SPATA6: variants seen among roughly 807,000 people sequenced by gnomAD.
SPATA6 encodes the protein spermatogenesis-associated protein 6.
SPATA6 carries 56 observed loss-of-function variants against 65.3 expected under a neutral mutation model. That is an observed-to-expected ratio of 0.86 (90% CI 0.69 to 1.07). The LOEUF (loss-of-function observed/expected upper bound fraction) is 1.07, where lower values mean the gene tolerates loss of function less well. Among genes scored for constraint, SPATA6 ranks in the 50% least tolerant of loss-of-function variants. The probability of loss-of-function intolerance (pLI) is 0.00; values close to 1 mark genes in which losing one functional copy is unlikely to be tolerated. For synonymous variants in SPATA6, 199 were observed against 213.2 expected, an observed-to-expected ratio of 0.93 and a Z score of 0.58; for missense variants, 590 against 594.8, an observed-to-expected ratio of 0.99 and a Z score of 0.08.
intron 12 of SPATA6, among the ~76,000 whole-genome samples, chr1:48,299,516 G>GGAAAAAAAAAAAAAAAAAAAAA (rs761355984): frequency 2.6e-5 from 1 of 38,188 alleles, no homozygotes; most frequent in Non-Finnish European, 4.8e-5. Context: ...CTCCGTCTCG[G>GGAAAAAAAAAAAAAAAAAAAAA]AAAAAAAAAA....
chr1:48,334,483 T>G (rs1250602847), intron 11 of SPATA6, among the ~76,000 whole-genome samples: 1 of 152,062 alleles, frequency 6.6e-6, no homozygotes, highest in African/African-American at 2.4e-5. Context: ...GTTCAACATA[T>G]GCAAATCAAT....
chr1:48,363,850 T>G (rs1646902246), intron 9 of SPATA6, among the ~76,000 whole-genome samples: 1 of 151,962 alleles, frequency 6.6e-6, no homozygotes, highest in Non-Finnish European at 1.5e-5. Context: ...GTGCACAATG[T>G]GAAGGTTTGT....
chr1:48,411,505 A>C lies in SPATA6; in HGVS notation c.364T>G (p.Ser122Ala), dbSNP rs779131112. The C allele has an allele frequency of 6.2e-7, 1 of 1,610,786 alleles. No homozygotes were observed. ...GPNQMSGHHDSNRQVTMRRIS... is the reference protein window; with the variant it reads ...GPNQMSGHHDANRQVTMRRIS... ...CTCCTCATGGTAACCTGGCGGTTTG[A>C]ATCATGGTGTCCAGACATTTGGTTT... The change falls in exon 5 of 13, where the codon TCA becomes GCA. Residue 122 changes from serine (S) to alanine (A), a missense_variant. Coordinates refer to ENST00000371847, the MANE Select transcript of SPATA6 (RefSeq NM_019073.4).
At chr1:48,380,761 T>C (rs982341491) in intron 9 of SPATA6, among the ~76,000 whole-genome samples, 1 of 152,204 alleles carries the variant, frequency 6.6e-6, no homozygotes, top group South Asian at 2.1e-4. Flanking sequence ...TGCATGTGTA[T>C]GTGTTTGCAT....
intron 11 of SPATA6, among the ~76,000 whole-genome samples, chr1:48,342,515 C>A (rs1646247170): frequency 6.6e-6 from 1 of 150,774 alleles, no homozygotes; most frequent in Non-Finnish European, 1.5e-5. Context: ...ACTGGGGAGG[C>A]TAAGGCAGGA....
the SPATA6 span, among the ~76,000 whole-genome samples, chr1:48,284,780 G>A: frequency 1.4e-4 from 21 of 152,180 alleles, no homozygotes; most frequent in Non-Finnish European, 7.3e-5. Context: ...AGCAAAGATT[G>A]CTCCCTGTTC....
At chr1:48,432,915 G>C (rs1331813758) in intron 3 of SPATA6, among the ~76,000 whole-genome samples, 1 of 152,142 alleles carries the variant, frequency 6.6e-6, no homozygotes, top group African/African-American at 2.4e-5. Flanking sequence ...GGCTAAATGT[G>C]ATGTATGCAT....
chr1:48,415,324 G>A (rs1652658053), intron 3 of SPATA6, among the ~76,000 whole-genome samples: 1 of 152,168 alleles, frequency 6.6e-6, no homozygotes, highest in Non-Finnish European at 1.5e-5. Context: ...TTAGATTTTT[G>A]TAGAGTCTTT....
chr1:48,290,305 A>G, the SPATA6 span, among the ~76,000 whole-genome samples: 1 of 152,216 alleles, frequency 6.6e-6, no homozygotes, highest in African/African-American at 2.4e-5. Context: ...ATGCTGAGAG[A>G]TTTTGTCACC....
chr1:48,455,670 G>A (rs370359420), intron 1 of SPATA6, among the ~76,000 whole-genome samples: 12 of 152,066 alleles, frequency 7.9e-5, no homozygotes, highest in South Asian at 2.1e-4. Flanking sequence ...ATGAGCCACC[G>A]CACCTGGCCT....
intron 1 of SPATA6, among the ~76,000 whole-genome samples, chr1:48,465,851 A>G (rs529452991): frequency 6.6e-6 from 1 of 152,270 alleles, no homozygotes; most frequent in South Asian, 2.1e-4. Flanking sequence ...TGGCAATTGC[A>G]TTACTGTAAA....
the SPATA6 span, among the ~76,000 whole-genome samples, chr1:48,288,400 C>G: frequency 6.6e-6 from 1 of 152,290 alleles, no homozygotes; most frequent in South Asian, 2.1e-4. Flanking sequence ...CAGCTCCAGT[C>G]TACAGCTCCC....
At chr1:48,378,045 T>C (rs1308319821) in intron 9 of SPATA6, among the ~76,000 whole-genome samples, 2 of 152,208 alleles carry the variant, frequency 1.3e-5, no homozygotes, top group African/African-American at 4.8e-5. Flanking sequence ...GGTCACAGCA[T>C]GGAGAAAATA....
At chr1:48,415,643 TGAAAAA>T (rs1186655461) in intron 3 of SPATA6, among the ~76,000 whole-genome samples, 10 of 96,386 alleles carry the variant, frequency 1.0e-4, no homozygotes, top group African/African-American at 5.3e-4. Flanking sequence ...AAAAAAAGAC[TGAAAAA>T]AAAAACCACA....
At chr1:48,439,072 T>C (rs1390563775) in intron 3 of SPATA6, among the ~76,000 whole-genome samples, 1 of 152,132 alleles carries the variant, frequency 6.6e-6, no homozygotes, top group East Asian at 1.9e-4. Flanking sequence ...GGTATGGCCC[T>C]CCACTTCATT....
chr1:48,394,101 C>T (rs1327902625), intron 8 of SPATA6, among the ~76,000 whole-genome samples: 1 of 152,074 alleles, frequency 6.6e-6, no homozygotes, highest in African/African-American at 2.4e-5. Flanking sequence ...GTTATGGATT[C>T]TGAGTGAAAG....
intron 9 of SPATA6, among the ~76,000 whole-genome samples, chr1:48,378,333 C>T (rs895099079): frequency 1.3e-5 from 2 of 152,138 alleles, no homozygotes; most frequent in African/African-American, 4.8e-5. Context: ...AAACTATAGC[C>T]TACAATAGCT....
chr1:48,411,029 A>C (rs1652175960), intron 5 of SPATA6, among the ~76,000 whole-genome samples: 1 of 152,218 alleles, frequency 6.6e-6, no homozygotes, highest in South Asian at 2.1e-4. Context: ...GATTTCTCTG[A>C]ATACTAATGA....
chr1:48,469,362 A>C (rs1312235036), intron 1 of SPATA6, among the ~76,000 whole-genome samples: 1 of 152,050 alleles, frequency 6.6e-6, no homozygotes, highest in African/African-American at 2.4e-5. Context: ...TTGGGGAGAA[A>C]GATGCCAGTT....
Sources: gnomAD v4.1 joint callset for allele counts (sites outside exome capture counted in the v4.1 genomes callset) on GRCh38, gnomAD v4.1.1 for gene constraint, MANE v1.5 for transcripts, NCBI Gene and HGNC (gene_info 2026-07-23, HGNC 2026-07-21) for gene names.